EYA2: variants seen among roughly 807,000 people sequenced by gnomAD.
The protein encoded by EYA2 is EYA transcriptional coactivator and phosphatase 2.
A neutral mutation model predicts 69.2 loss-of-function variants in EYA2; 31 were observed. The ratio of observed to expected loss-of-function variants is 0.45; its 90% CI spans 0.34 to 0.60. The LOEUF is 0.60. Among genes scored for constraint, EYA2 ranks in the 20% least tolerant of loss-of-function variants. EYA2 has a pLI of 0.02. For missense variants in EYA2, 622 were observed against 701.2 expected, an observed-to-expected ratio of 0.89 and a Z score of 1.28; for synonymous variants, 257 against 279.4, an observed-to-expected ratio of 0.92 and a Z score of 0.80.
chr20:46,924,492 A>G lies in EYA2; in HGVS notation c.-11+29505A>G, dbSNP rs530834707. On this transcript the variant is annotated intron_variant, in intron 1 of 15. Transcript: ENST00000327619. ...GAGACCATCCTGGCTAACACGGTGAAAACCCATCTGTACTAAAAATACAAA... is the reference window on the plus strand; with the variant it reads ...GAGACCATCCTGGCTAACACGGTGAGAACCCATCTGTACTAAAAATACAAA... Among the ~76,000 whole-genome samples the G allele has an allele frequency of 2.0e-5, 3 of 152,168 alleles. No individual in the cohort carries two copies. The South Asian group carries it at 6.2e-4, about 32-fold the overall frequency.
chr20:47,013,923 T>C (rs1020685235), intron 4 of EYA2, among the ~76,000 whole-genome samples: 4 of 152,208 alleles, frequency 2.6e-5, no homozygotes, highest in Admixed American at 1.3e-4. Flanking sequence ...ACACCTGTTA[T>C]TGAGAAGCAT....
Position 47,183,309 on chromosome 20 carries a change from A to T in EYA2, c.1454A>T (p.Glu485Val), listed in dbSNP as rs1191635444. The change falls in exon 15 of 16, where the codon GAG (glutamate) becomes GTG (valine). Residue 485 changes from glutamate to valine, a missense_variant. Transcript: ENST00000327619. ...ATKTGKESCF[E>V]RIMQRFGRKA... is the part of the protein sequence containing the mutation. ...CGTGCAGGGAAGGAGAGCTGCTTCG[A>T]GAGGATAATGCAGAGATTCGGCAGA... 3 of 1,613,876 alleles carry T rather than the reference A, an allele frequency of 1.9e-6. No individual in the cohort carries two copies. Among genetic ancestry groups the T allele is most frequent in the Non-Finnish European group, 2.5e-6 (3 of 1,179,986 alleles).
chr20:46,924,054 T>C (rs1216695401), intron 1 of EYA2, among the ~76,000 whole-genome samples: 2 of 152,200 alleles, frequency 1.3e-5, no homozygotes, highest in Non-Finnish European at 2.9e-5. Context: ...GATCTATCTT[T>C]CATGGGGGAT....
intron 2 of EYA2, among the ~76,000 whole-genome samples, chr20:46,999,674 C>G (rs1035149596): frequency 1.3e-5 from 2 of 152,254 alleles, no homozygotes; most frequent in Admixed American, 1.3e-4. Context: ...AGACCACCAC[C>G]CCCGCCCCAA....
At chr20:47,103,532 G>T (rs964222561) in intron 9 of EYA2, among the ~76,000 whole-genome samples, 1 of 152,224 alleles carries the variant, frequency 6.6e-6, no homozygotes, top group Non-Finnish European at 1.5e-5. Flanking sequence ...TGGCTGGAGA[G>T]GCCTCAGGAA....
intron 9 of EYA2, among the ~76,000 whole-genome samples, chr20:47,140,661 G>T (rs975135966): frequency 6.6e-6 from 1 of 152,126 alleles, no homozygotes; most frequent in African/African-American, 2.4e-5. Context: ...TTGTTAGCTT[G>T]TATGGCCTTG....
Position 47,155,314 on chromosome 20 carries a change from G to A in EYA2, c.978+12166G>A, listed in dbSNP as rs553559409. Among the ~76,000 whole-genome samples the A allele has an allele frequency of 4.6e-5, 7 of 152,096 alleles. 1 individual carries two copies. Among genetic ancestry groups the A allele is most frequent in the East Asian group, 3.9e-4 (2 of 5,068 alleles). On this transcript the variant is annotated intron_variant, in intron 10 of 15. Coordinates refer to ENST00000327619, the MANE Select transcript of EYA2 (RefSeq NM_005244.5). ...TCACTCCCCGCTGAGGGGATGAATC[G>A]CCTGGAGGTGATCAAAGCAATGTGC...
At chr20:46,907,312 A>G (rs1373645726) in intron 1 of EYA2, among the ~76,000 whole-genome samples, 2 of 152,350 alleles carry the variant, frequency 1.3e-5, no homozygotes, top group African/African-American at 2.4e-5. Flanking sequence ...GACTGAGCCA[A>G]AGAGACCGGC....
intron 9 of EYA2, among the ~76,000 whole-genome samples, chr20:47,114,882 C>T (rs1369226214): frequency 2.0e-5 from 3 of 152,190 alleles, no homozygotes; most frequent in Non-Finnish European, 4.4e-5. Context: ...CCTGCTTTTG[C>T]CAGGTGAAGT....
intron 10 of EYA2, among the ~76,000 whole-genome samples, 155 bp from the exon 11 acceptor site, chr20:47,168,984 C>T (rs891114766): frequency 1.3e-5 from 2 of 152,150 alleles, no homozygotes; most frequent in Non-Finnish European, 2.9e-5. Flanking sequence ...GACCTCTAAC[C>T]TTGAGTATCC....
At chr20:47,105,304 A>G (rs867214837) in intron 9 of EYA2, among the ~76,000 whole-genome samples, 1 of 151,864 alleles carries the variant, frequency 6.6e-6, no homozygotes, top group Non-Finnish European at 1.5e-5. Flanking sequence ...CCATCTCCCC[A>G]TTTTCTACAT....
chr20:47,133,012 A>G (rs934615468), intron 9 of EYA2, among the ~76,000 whole-genome samples: 2 of 152,206 alleles, frequency 1.3e-5, no homozygotes, highest in Non-Finnish European at 2.9e-5. Flanking sequence ...GGCACGTTGC[A>G]TGCTGAGTTA....
intron 10 of EYA2, among the ~76,000 whole-genome samples, chr20:47,157,285 C>T (rs759797848): frequency 7.7e-6 from 1 of 129,592 alleles, no homozygotes; most frequent in South Asian, 2.7e-4. Context: ...ACCCAGGAGG[C>T]GGAGGTTGCA....
At chr20:46,979,681 AC>A (rs1980699308) in intron 1 of EYA2, 1 of 152,018 alleles carries the variant, frequency 6.6e-6, no homozygotes, top group Non-Finnish European at 1.5e-5. Flanking sequence ...AGCCTTCCCC[AC>A]CAAAGTGCAG....
At chr20:47,101,238 C>T (rs556248041) in intron 9 of EYA2, among the ~76,000 whole-genome samples, 10 of 152,292 alleles carry the variant, frequency 6.6e-5, no homozygotes, top group African/African-American at 2.2e-4. Flanking sequence ...GCAAGTGCCA[C>T]CATGCCCAGC....
At chr20:46,975,928 A>G (rs1231604169) in intron 1 of EYA2, among the ~76,000 whole-genome samples, 1 of 152,158 alleles carries the variant, frequency 6.6e-6, no homozygotes, top group Non-Finnish European at 1.5e-5. Flanking sequence ...CATCAAGCAT[A>G]GTTGAGAGAA....
In EYA2 at chr20:46,957,578, C is replaced by CACACACACAA. The variant is rs576647103; in HGVS notation, c.-10-32423_-10-32422insACACACACAA. Among the ~76,000 whole-genome samples, 54 of 66,652 alleles carry CACACACACAA rather than the reference C, an allele frequency of 8.1e-4. 4 individuals are homozygous for CACACACACAA. The highest frequency in any genetic ancestry group is 7.0e-3 in the Middle Eastern group (1 of 142). The allele number at this position is 66,652 out of a possible 152,430, so 43.7% of individuals were successfully genotyped here. ...ACACACACACACACACACACACACACGAAGACAATGTGAAGACAGGACAGA... is the reference window on the plus strand; with the variant it reads ...ACACACACACACACACACACACACACACACACACAAGAAGACAATGTGAAGACAGGACAGA... On this transcript the variant is annotated intron_variant, in intron 1 of 15. Coordinates refer to ENST00000327619, the MANE Select transcript of EYA2 (RefSeq NM_005244.5).
chr20:47,096,591 GT>G (rs1360052937), intron 8 of EYA2, among the ~76,000 whole-genome samples: 1 of 152,180 alleles, frequency 6.6e-6, no homozygotes. Flanking sequence ...ATTTCCATGA[GT>G]TAAACCCTCA....
At chr20:47,061,869 C>T (rs189449264) in intron 5 of EYA2, among the ~76,000 whole-genome samples, 76 of 152,274 alleles carry the variant, frequency 5.0e-4, no homozygotes, top group African/African-American at 1.6e-3. Flanking sequence ...CATTTGGAAA[C>T]GGATTCTTCC....
Sources: gnomAD v4.1 joint callset for allele counts (sites outside exome capture counted in the v4.1 genomes callset) on GRCh38, gnomAD v4.1.1 for gene constraint, MANE v1.5 for transcripts, NCBI Gene and HGNC (gene_info 2026-07-23, HGNC 2026-07-21) for gene names.